Variants in OSBPL10 observed in about 807,000 individuals in gnomAD.
The protein encoded by OSBPL10 is oxysterol-binding protein-related protein 10.
A neutral mutation model predicts 81.7 loss-of-function variants in OSBPL10; 49 were observed. The ratio of observed to expected loss-of-function variants is 0.60; its 90% CI spans 0.48 to 0.76. The LOEUF (loss-of-function observed/expected upper bound fraction) is 0.76. OSBPL10 is among the 30% of genes least tolerant of loss of function. OSBPL10 has a pLI of 0.00. For synonymous variants in OSBPL10, 419 were observed against 383.6 expected (o/e 1.09, Z -1.08); for missense variants, 923 against 987.8 (o/e 0.93, Z 0.88).
At position 31,677,158 on chromosome 3, in the gene OSBPL10, G is replaced by T. The variant is rs374814677; in HGVS notation, c.1727-6175C>A. 1.4e-3 allele frequency among the ~76,000 whole-genome samples: 211 copies of T among 152,234 alleles called. 6 individuals are homozygous for T. The South Asian group carries it at 0.039, about 28-fold the overall frequency. On this transcript the variant is annotated intron_variant, in intron 8 of 11. Coordinates refer to ENST00000396556, the MANE Select transcript of OSBPL10 (RefSeq NM_017784.5). ...AATCAACAAATTCATAGAATATGCA[G>T]GAAATATGCGAGGGAAGGGAAATTA...
rs75136315 is a variant in OSBPL10 at position 31,899,297 on chromosome 3, G to T, written c.282-19467C>A. Among the ~76,000 whole-genome samples, 1,013 of 151,320 alleles carry T rather than the reference G, an allele frequency of 6.7e-3. 52 individuals are homozygous for T. The East Asian group carries it at 0.13, about 20-fold the overall frequency. ...GGTAAAGTTTCAAGGGAAACCAATA[G>T]AAAATATAGTGCATAAATTCCAAAA... On this transcript the variant is annotated intron_variant, in intron 1 of 11. Transcript: ENST00000396556.
At chr3:31,700,529 T>G (rs1181882427) in intron 7 of OSBPL10, 1 of 152,196 alleles carries the variant, frequency 6.6e-6, no homozygotes, top group Non-Finnish European at 1.5e-5. Flanking sequence ...CGTTACCCAG[T>G]ACACATGTAT....
At chr3:31,708,490 T>A (rs1370800354) in intron 6 of OSBPL10, among the ~76,000 whole-genome samples, 1 of 152,218 alleles carries the variant, frequency 6.6e-6, no homozygotes, top group Non-Finnish European at 1.5e-5. Context: ...ACTCTGTATA[T>A]ATGTCAATAA....
chr3:31,698,432 T>C (rs566126986), intron 7 of OSBPL10, among the ~76,000 whole-genome samples: 9 of 152,028 alleles, frequency 5.9e-5, no homozygotes, highest in East Asian at 5.9e-4. Context: ...GCCTGGGTGA[T>C]AGAGCGAGAC....
intron 1 of OSBPL10, chr3:32,077,381 T>G (rs139632247): frequency 6.6e-6 from 1 of 152,320 alleles, no homozygotes; most frequent in African/African-American, 2.4e-5. Context: ...GAATGTTCGG[T>G]AATTATCACA....
At chr3:32,056,311 C>G (rs918004871) in intron 1 of OSBPL10, among the ~76,000 whole-genome samples, 2 of 152,208 alleles carry the variant, frequency 1.3e-5, no homozygotes, top group Non-Finnish European at 2.9e-5. Flanking sequence ...ATGTAAAAAT[C>G]TGAATCAATG....
At position 32,042,023 on chromosome 3, in the gene OSBPL10, C is replaced by T. The variant is rs559680400; in HGVS notation, n.298+4468G>A. Among the ~76,000 whole-genome samples, 9 of 152,294 alleles carry T rather than the reference C, an allele frequency of 5.9e-5. No individual in the cohort carries two copies. In the South Asian group the frequency reaches 1.0e-3, roughly 18 times the overall value. ...CCACCTGGTTCTCTTGGGACACTCA[C>T]TCTGGGATCCCTGAGCTGCCAAATT... On this transcript the variant is annotated intron_variant and non_coding_transcript_variant, in intron 2 of 3. Transcript: ENST00000479173.
chr3:31,829,262 A>T (rs1700173969), intron 4 of OSBPL10, among the ~76,000 whole-genome samples: 1 of 152,206 alleles, frequency 6.6e-6, no homozygotes, highest in Non-Finnish European at 1.5e-5. Context: ...GGAAGTAGGC[A>T]ACCAAAACCA....
At chr3:31,904,516 A>G (rs889380375) in intron 1 of OSBPL10, among the ~76,000 whole-genome samples, 3 of 152,202 alleles carry the variant, frequency 2.0e-5, no homozygotes, top group African/African-American at 7.2e-5. Flanking sequence ...CAAAAAAGCC[A>G]CCAAAAATAA....
At chr3:31,758,230 T>C (rs543134535) in intron 4 of OSBPL10, among the ~76,000 whole-genome samples, 2 of 152,310 alleles carry the variant, frequency 1.3e-5, no homozygotes, top group East Asian at 1.9e-4. Context: ...CATGTATACA[T>C]GATATGTACA....
intron 5 of OSBPL10, among the ~76,000 whole-genome samples, chr3:31,746,995 AT>A (rs1157673284): frequency 6.6e-6 from 1 of 152,124 alleles, no homozygotes; most frequent in African/African-American, 2.4e-5. Flanking sequence ...AAAAGAAAAG[AT>A]AGAATGGGGA....
chr3:31,663,938 G>A (rs1700122302), intron 11 of OSBPL10, 141 bp downstream of exon 11: 1 of 1,580,792 alleles, frequency 6.3e-7, no homozygotes, highest in Non-Finnish European at 8.6e-7. Context: ...CAAAGCTGGA[G>A]TCAGAACCGA....
chr3:31,755,478 A>G (rs1486854189), intron 4 of OSBPL10, among the ~76,000 whole-genome samples: 1 of 152,150 alleles, frequency 6.6e-6, no homozygotes, highest in Non-Finnish European at 1.5e-5. Context: ...ATTTCTAGAT[A>G]TTTACCTGCT....
chr3:31,783,114 TATATATATATA>T (rs1698743176), intron 4 of OSBPL10, among the ~76,000 whole-genome samples: 8 of 20,214 alleles, frequency 4.0e-4, no homozygotes, highest in East Asian at 6.3e-3. Context: ...ATATCTATTA[TATATATATATA>T]TATATATATA....
At chr3:31,682,047 T>G (rs182186543) in intron 8 of OSBPL10, among the ~76,000 whole-genome samples, 1 of 152,212 alleles carries the variant, frequency 6.6e-6, no homozygotes, top group African/African-American at 2.4e-5. Flanking sequence ...ACACTCCACA[T>G]CCCATCCAGA....
chr3:32,030,447 T>G (rs1699457132), intron 2 of OSBPL10: 1 of 682,048 alleles, frequency 1.5e-6, no homozygotes, highest in Non-Finnish European at 2.7e-6. Context: ...AGGGCAAGAT[T>G]CTTGCCAAGA....
At chr3:31,999,014 A>G (rs1056833140) in intron 2 of OSBPL10, among the ~76,000 whole-genome samples, 1 of 152,244 alleles carries the variant, frequency 6.6e-6, no homozygotes, top group Non-Finnish European at 1.5e-5. Context: ...AAAGAGAAAA[A>G]AGGAGGGACA....
chr3:31,980,771 C>T, intron 1 of OSBPL10, 128 bp downstream of exon 1: 1 of 1,202,846 alleles, frequency 8.3e-7, no homozygotes, highest in Non-Finnish European at 1.1e-6. Context: ...CGTTGGGAGG[C>T]ATCACTGGGT....
chr3:32,020,142 G>A (rs1330412086), intron 2 of OSBPL10, among the ~76,000 whole-genome samples: 2 of 152,128 alleles, frequency 1.3e-5, no homozygotes, highest in Admixed American at 1.3e-4. Flanking sequence ...TTTATGTTTT[G>A]TTCCTGTTAT....
Sources: allele counts gnomAD v4.1 joint callset (sites outside exome capture counted in the v4.1 genomes callset), GRCh38; gene constraint gnomAD v4.1.1; transcripts MANE v1.5; gene names NCBI Gene and HGNC (gene_info 2026-07-23, HGNC 2026-07-21).